The following PRICKLE2 variants were observed in gnomAD, a reference collection of about 807,000 sequenced individuals.
PRICKLE2 encodes the protein prickle-like protein 2.
PRICKLE2 carries 21 observed loss-of-function variants against 81.4 expected under a neutral mutation model. The observed-to-expected ratio is 0.26, with a 90% confidence interval of 0.18 to 0.37. The LOEUF (loss-of-function observed/expected upper bound fraction) is 0.37, where lower values mean the gene tolerates loss of function less well. Ranked by LOEUF, PRICKLE2 falls within the 10% of genes least tolerant of loss-of-function variation. The pLI is 1.00. For synonymous variants in PRICKLE2, 456 were observed against 421.5 expected (o/e 1.08, Z -1.00); for missense variants, 940 against 1,109.0 (o/e 0.85, Z 2.16).
At chr3:64,203,570 C>T (rs1268637756) in intron 1 of PRICKLE2, among the ~76,000 whole-genome samples, 2 of 152,108 alleles carry the variant, frequency 1.3e-5, no homozygotes, top group Non-Finnish European at 2.9e-5. Flanking sequence ...GCCGGATGGA[C>T]ATGATTTAAC....
At chr3:64,182,975 T>A (rs924533961) in intron 2 of PRICKLE2, among the ~76,000 whole-genome samples, 3 of 152,078 alleles carry the variant, frequency 2.0e-5, no homozygotes, top group Non-Finnish European at 4.4e-5. Flanking sequence ...TTATATAAGT[T>A]ATTATAATAA....
At chr3:64,234,523 T>A (rs1403625212) in intron 2 of PRICKLE2, among the ~76,000 whole-genome samples, 1 of 152,188 alleles carries the variant, frequency 6.6e-6, no homozygotes, top group Non-Finnish European at 1.5e-5. Context: ...TTAAAATTAG[T>A]AAGTTATAAA....
chr3:64,218,538 T>A (rs1309015696), intron 1 of PRICKLE2, among the ~76,000 whole-genome samples: 3 of 152,244 alleles, frequency 2.0e-5, no homozygotes, highest in African/African-American at 7.2e-5. Flanking sequence ...TACTGCAGAA[T>A]GCAGATGGTA....
At chr3:64,180,138 A>G (rs2078102891) in intron 2 of PRICKLE2, among the ~76,000 whole-genome samples, 1 of 152,202 alleles carries the variant, frequency 6.6e-6, no homozygotes, top group African/African-American at 2.4e-5. Flanking sequence ...TGCGTATGTT[A>G]TATAATGAGG....
At chr3:64,263,548 G>T (rs533437608) in intron 2 of PRICKLE2, among the ~76,000 whole-genome samples, 4 of 152,132 alleles carry the variant, frequency 2.6e-5, no homozygotes, top group Non-Finnish European at 1.5e-5. Flanking sequence ...CACTCAGAAT[G>T]GGGGGATATA....
intron 2 of PRICKLE2, among the ~76,000 whole-genome samples, chr3:64,188,259 A>G (rs1489171373): frequency 6.6e-6 from 1 of 152,240 alleles, no homozygotes; most frequent in East Asian, 1.9e-4. Flanking sequence ...CTTGGGCAGA[A>G]GCATCCCCGT....
At chr3:64,141,325 T>A (rs1043581790) in intron 7 of PRICKLE2, among the ~76,000 whole-genome samples, 1 of 152,232 alleles carries the variant, frequency 6.6e-6, no homozygotes, top group Non-Finnish European at 1.5e-5. Context: ...AGCCTCTCAG[T>A]GCCTCATGTA....
intron 2 of PRICKLE2, among the ~76,000 whole-genome samples, chr3:64,180,714 G>A (rs887392549): frequency 6.6e-5 from 10 of 152,086 alleles, no homozygotes; most frequent in African/African-American, 2.4e-4. Context: ...TGTGTTTTTA[G>A]TAGAGACGGG....
chr3:64,120,555 G>A (rs704379), intron 7 of PRICKLE2, among the ~76,000 whole-genome samples: 75,546 of 151,900 alleles, frequency 0.5, 19,253 homozygotes, highest in Middle Eastern at 0.61. Context: ...CATGCAAGTC[G>A]CCCAGGGATC....
intron 3 of PRICKLE2, among the ~76,000 whole-genome samples, chr3:64,162,182 C>T (rs1051531024): frequency 2.0e-5 from 3 of 152,018 alleles, no homozygotes; most frequent in African/African-American, 7.2e-5. Flanking sequence ...TGGTGCCCAG[C>T]TCTCTAAGGG....
chr3:64,185,333 T>G (rs984415617), intron 2 of PRICKLE2, among the ~76,000 whole-genome samples: 4 of 152,136 alleles, frequency 2.6e-5, no homozygotes, highest in Non-Finnish European at 5.9e-5. Context: ...TTCAGTAAGT[T>G]AGGAAAAGAC....
At chr3:64,192,894 A>G (rs1180929450) in intron 2 of PRICKLE2, among the ~76,000 whole-genome samples, 1 of 152,242 alleles carries the variant, frequency 6.6e-6, no homozygotes, top group Non-Finnish European at 1.5e-5. Flanking sequence ...CATCCAAAAC[A>G]TCAATGAAAA....
rs536734990 is a variant in PRICKLE2 at position 64,235,644 on chromosome 3, G to A, written c.129-36677C>T. Reference sequence around the variant, plus strand: ...GCAGCTTCTGATGTCCCTCCGGAGGGCCTGAGACCAGTTTTCCTATTGATA... The same window carrying A: ...GCAGCTTCTGATGTCCCTCCGGAGGACCTGAGACCAGTTTTCCTATTGATA... On this transcript the variant is annotated intron_variant, in intron 2 of 8. Coordinates refer to the PRICKLE2 transcript ENST00000295902. Among the ~76,000 whole-genome samples the A allele has an allele frequency of 1.3e-4, 20 of 152,278 alleles. 1 individual carries two copies. Among genetic ancestry groups the A allele is most frequent in the Middle Eastern group, 6.8e-3 (2 of 294 alleles).
At chr3:64,174,502 A>G (rs1156442906) in intron 2 of PRICKLE2, 1 of 152,536 alleles carries the variant, frequency 6.6e-6, no homozygotes, top group Non-Finnish European at 1.5e-5. Context: ...TGGGGAAAAC[A>G]TGCTTGACAA....
chr3:64,213,207 C>T (rs1050059634), intron 1 of PRICKLE2, among the ~76,000 whole-genome samples: 4 of 151,770 alleles, frequency 2.6e-5, no homozygotes, highest in African/African-American at 9.7e-5. Context: ...CTTCCACCAT[C>T]TAGCTGAGAT....
At chr3:64,229,339 A>T (rs966824670), upstream of PRICKLE2, among the ~76,000 whole-genome samples, 2 of 152,194 alleles carry the variant, frequency 1.3e-5, no homozygotes, top group Non-Finnish European at 2.9e-5. Flanking sequence ...GTCAGGTTAC[A>T]GAAGGGAAGG....
chr3:64,262,121 C>CT (rs2079623765), intron 2 of PRICKLE2, among the ~76,000 whole-genome samples: 1 of 152,170 alleles, frequency 6.6e-6, no homozygotes, highest in Non-Finnish European at 1.5e-5. Context: ...AACGCACACT[C>CT]TATCAAGATA....
chr3:64,114,881 C>T (rs746674347), intron 7 of PRICKLE2, among the ~76,000 whole-genome samples: 1 of 151,898 alleles, frequency 6.6e-6, no homozygotes, highest in South Asian at 2.1e-4. Flanking sequence ...AAGATTATCC[C>T]CAGTACACAT....
intron 2 of PRICKLE2, among the ~76,000 whole-genome samples, chr3:64,182,854 A>C (rs1046104267): frequency 3.9e-5 from 6 of 152,128 alleles, no homozygotes; most frequent in Admixed American, 3.9e-4. Flanking sequence ...CCACCAAGCA[A>C]AGGAAAATGA....
Sources: allele counts gnomAD v4.1 joint callset (sites outside exome capture counted in the v4.1 genomes callset), GRCh38; gene constraint gnomAD v4.1.1; transcripts MANE v1.5; gene names NCBI Gene and HGNC (gene_info 2026-07-23, HGNC 2026-07-21).